ADGRL2: variants seen among roughly 807,000 people sequenced by gnomAD.
The protein encoded by ADGRL2 is calcium-independent alpha-latrotoxin receptor 2.
Under a neutral mutation model 157.4 loss-of-function variants are expected in ADGRL2, and 44 were observed. The ratio of observed to expected loss-of-function variants is 0.28; its 90% CI spans 0.22 to 0.36. The LOEUF (loss-of-function observed/expected upper bound fraction) is 0.36, where lower values mean the gene tolerates loss of function less well. Ranked by LOEUF, ADGRL2 falls within the 10% of genes least tolerant of loss-of-function variation. The probability of loss-of-function intolerance (pLI) is 1.00; values close to 1 mark genes in which losing one functional copy is unlikely to be tolerated. For missense variants in ADGRL2, 1,510 were observed against 1,768.9 expected (o/e 0.85, Z 2.63); for synonymous variants, 585 against 624.7 (o/e 0.94, Z 0.95).
At chr1:81,466,640 C>T (rs1255676163) in intron 2 of ADGRL2, among the ~76,000 whole-genome samples, 1 of 150,612 alleles carries the variant, frequency 6.6e-6, no homozygotes. Flanking sequence ...AAGTACAAGA[C>T]ATGTAATGAC....
intron 2 of ADGRL2, among the ~76,000 whole-genome samples, chr1:81,543,055 T>G (rs921225156): frequency 6.6e-6 from 1 of 152,094 alleles, no homozygotes; most frequent in Non-Finnish European, 1.5e-5. Context: ...CTTAATAATA[T>G]GCTAACATTT....
chr1:81,379,193 C>G (rs2101037471), intron 1 of ADGRL2, among the ~76,000 whole-genome samples: 1 of 152,264 alleles, frequency 6.6e-6, no homozygotes, highest in South Asian at 2.1e-4. Context: ...CTCGTCTCCT[C>G]AAAGGGCGGG....
intron 2 of ADGRL2, among the ~76,000 whole-genome samples, chr1:81,887,411 C>T (rs918194077): frequency 6.6e-5 from 10 of 152,106 alleles, no homozygotes; most frequent in African/African-American, 2.2e-4. Flanking sequence ...TTTGTAAGCA[C>T]AGTATTTAGT....
chr1:81,810,415 C>T (rs2089713779), intron 1 of ADGRL2, among the ~76,000 whole-genome samples: 1 of 1,448 alleles, frequency 6.9e-4, no homozygotes, highest in Admixed American at 0.031. Context: ...CTTTATTAAA[C>T]TGGTTACCAT....
In ADGRL2 at chr1:81,955,011, A is replaced by G. The variant is rs151060276; in HGVS notation, c.1834-866A>G. ...GATTTCACCTTTCCAAAGCATAGTC[A>G]GTGCGTAGCTACAGAGTGTAGGAGT... On this transcript the variant is annotated intron_variant, in intron 10 of 23. Coordinates refer to ENST00000686636, the MANE Select transcript of ADGRL2 (RefSeq NM_001366006.2). 3.9e-5 allele frequency among the ~76,000 whole-genome samples: 6 copies of G among 152,330 alleles called. No homozygotes were observed. In the East Asian group the frequency reaches 1.2e-3, roughly 29 times the overall value.
At chr1:81,561,194 A>G (rs1444651079) in intron 2 of ADGRL2, among the ~76,000 whole-genome samples, 1 of 151,936 alleles carries the variant, frequency 6.6e-6, no homozygotes, top group East Asian at 2.0e-4. Context: ...TAACACATAT[A>G]TTCATTATGC....
chr1:81,934,283 T>C (rs1320544887), intron 3 of ADGRL2, among the ~76,000 whole-genome samples: 1 of 151,990 alleles, frequency 6.6e-6, no homozygotes, highest in Non-Finnish European at 1.5e-5. Flanking sequence ...TGGACAGTTA[T>C]TTTTTATTAT....
At chr1:81,307,152 A>C (rs1659397081) in intron 1 of ADGRL2, among the ~76,000 whole-genome samples, 1 of 151,164 alleles carries the variant, frequency 6.6e-6, no homozygotes, top group Non-Finnish European at 1.5e-5. Flanking sequence ...TTGAAATTGT[A>C]TTACAGAAAA....
chr1:81,566,263 C>T (rs956416627), intron 2 of ADGRL2, among the ~76,000 whole-genome samples: 1 of 152,004 alleles, frequency 6.6e-6, no homozygotes, highest in Non-Finnish European at 1.5e-5. Context: ...AGTTTTTGTC[C>T]ACCACATAGT....
chr1:81,786,010 A>T lies in ADGRL2; in HGVS notation c.-101+24158A>T, dbSNP rs372138245. On this transcript the variant is annotated intron_variant, in intron 2 of 20. Transcript: ENST00000359929. Reference sequence around the variant, plus strand: ...GTCCCAGCTACTTGGAGGCTAAGGTAGGGGGACTGCTTGAGCCTGGGAGGT... The same window carrying T: ...GTCCCAGCTACTTGGAGGCTAAGGTTGGGGGACTGCTTGAGCCTGGGAGGT... Among the ~76,000 whole-genome samples, 4 of 152,008 alleles carry T rather than the reference A, an allele frequency of 2.6e-5. No individual in the cohort carries two copies. The East Asian group carries it at 7.8e-4, about 30-fold the overall frequency.
chr1:81,984,867 C>T (rs1004131328), intron 20 of ADGRL2, among the ~76,000 whole-genome samples, 156 bp downstream of exon 20: 1 of 152,006 alleles, frequency 6.6e-6, no homozygotes, highest in Non-Finnish European at 1.5e-5. Flanking sequence ...TCTTCTTAAA[C>T]ATTTCTTCAG....
intron 1 of ADGRL2, among the ~76,000 whole-genome samples, chr1:81,816,834 A>G (rs1366463153): frequency 6.6e-6 from 1 of 152,010 alleles, no homozygotes; most frequent in South Asian, 2.1e-4. Flanking sequence ...ACTTTATTAC[A>G]TGTACTTTAC....
chr1:81,560,262 CA>C (rs2080409215), intron 2 of ADGRL2, among the ~76,000 whole-genome samples: 1 of 152,152 alleles, frequency 6.6e-6, no homozygotes, highest in African/African-American at 2.4e-5. Flanking sequence ...CACTGGAGTC[CA>C]AAATACCTGA....
chr1:81,569,668 G>A (rs2080642207), intron 2 of ADGRL2, among the ~76,000 whole-genome samples: 1 of 152,096 alleles, frequency 6.6e-6, no homozygotes, highest in Non-Finnish European at 1.5e-5. Context: ...AACTTAGCCA[G>A]GCATGGTGGT....
intron 1 of ADGRL2, among the ~76,000 whole-genome samples, chr1:81,371,581 A>G (rs2076161033): frequency 1.3e-5 from 2 of 152,246 alleles, no homozygotes; most frequent in East Asian, 1.9e-4. Context: ...TTAATCATTT[A>G]TCTTCCTTGT....
At chr1:81,811,155 A>T (rs1227350060) in intron 1 of ADGRL2, among the ~76,000 whole-genome samples, 2 of 151,956 alleles carry the variant, frequency 1.3e-5, no homozygotes, top group Admixed American at 6.6e-5. Flanking sequence ...AGAAAACCCC[A>T]CAAAAAACAC....
chr1:81,696,566 C>A (rs1470554891), upstream of ADGRL2, among the ~76,000 whole-genome samples: 1 of 152,028 alleles, frequency 6.6e-6, no homozygotes, highest in Non-Finnish European at 1.5e-5. Context: ...TCCTGGCTAA[C>A]ACGGTGAAAC....
intron 2 of ADGRL2, among the ~76,000 whole-genome samples, chr1:81,864,709 CCCAGCACT>C (rs1311681949): frequency 5.9e-5 from 9 of 152,246 alleles, no homozygotes; most frequent in Non-Finnish European, 1.0e-4. Context: ...CACCTGTAAT[CCCAGCACT>C]TTGGGAGGCT....
rs1195929930 is a variant in ADGRL2 at position 81,518,062 on chromosome 1, T to A, written c.-247-62814T>A. 2.6e-5 allele frequency among the ~76,000 whole-genome samples: 4 copies of A among 152,186 alleles called. No individual in the cohort carries two copies. In the East Asian group the frequency reaches 7.7e-4, roughly 29 times the overall value. On this transcript the variant is annotated intron_variant, in intron 2 of 24. Transcript: ENST00000370721. ...TGATTAAATTCCCTTAAAGAGAAAA[T>A]TAATTGAGACTAGGTTTTTAGCGAG...
Sources: gnomAD v4.1 joint callset for allele counts (sites outside exome capture counted in the v4.1 genomes callset) on GRCh38, gnomAD v4.1.1 for gene constraint, MANE v1.5 for transcripts, NCBI Gene and HGNC (gene_info 2026-07-23, HGNC 2026-07-21) for gene names.